The following RAP1A variants were observed in gnomAD, a reference collection of about 807,000 sequenced individuals.
RAP1A encodes the protein RAP1A, member of RAS oncogene family.
In RAP1A, 6 loss-of-function variants were observed where a neutral mutation model predicts 26.4. The ratio of observed to expected loss-of-function variants is 0.23; its 90% confidence interval spans 0.12 to 0.45. The LOEUF (loss-of-function observed/expected upper bound fraction) is 0.45. Among genes scored for constraint, RAP1A ranks in the 20% least tolerant of loss-of-function variants. The pLI, the probability that RAP1A is intolerant of heterozygous loss-of-function variation, is 0.99. For missense variants in RAP1A, 121 were observed against 217.2 expected, an observed-to-expected ratio of 0.56 and a Z score of 2.78; for synonymous variants, 73 against 79.4, an observed-to-expected ratio of 0.92 and a Z score of 0.43.
chr1:111,579,534 T>C (rs1454746604), intron 1 of RAP1A, among the ~76,000 whole-genome samples: 1 of 152,084 alleles, frequency 6.6e-6, no homozygotes, highest in Non-Finnish European at 1.5e-5. Context: ...AGCCAGAGGG[T>C]TTTGAAGAGG....
chr1:111,652,036 C>CAGTCTTTT (rs1660290027), intron 1 of RAP1A, among the ~76,000 whole-genome samples: 1 of 151,722 alleles, frequency 6.6e-6, no homozygotes, highest in Admixed American at 6.6e-5. Context: ...TGTAGTGGTG[C>CAGTCTTTT]AGTCTTGGCT....
At chr1:111,583,690 C>T (rs1009489914) in intron 1 of RAP1A, among the ~76,000 whole-genome samples, 3 of 151,552 alleles carry the variant, frequency 2.0e-5, no homozygotes, top group Non-Finnish European at 4.4e-5. Context: ...AAAAAATAGA[C>T]AAAAAATTAA....
At chr1:111,660,750 C>T (rs56199562) in intron 1 of RAP1A, among the ~76,000 whole-genome samples, 3,703 of 152,296 alleles carry the variant, frequency 0.024, 54 homozygotes, top group Non-Finnish European at 0.037. Context: ...TTACCGTGGC[C>T]TAAAAGCCTG....
Position 111,638,883 on chromosome 1 carries a change from A to T in RAP1A, c.-28+18949A>T, listed in dbSNP as rs2763849. Among the ~76,000 whole-genome samples, 1,019 of 151,444 alleles carry T rather than the reference A, an allele frequency of 6.7e-3. 12 individuals carry two copies. The highest frequency in any genetic ancestry group is 0.023 in the African/African-American group (968 of 41,266). On this transcript the variant is annotated intron_variant, in intron 1 of 7. Transcript: ENST00000369709. ...GGTTTTTATCTTTTTTTTTTTTAAG[A>T]CAAGTATATGTATTTTAAGTAGTCT... is the stretch of plus-strand genomic sequence containing the variant.
At chr1:111,627,911 G>A (rs2101098930) in intron 1 of RAP1A, among the ~76,000 whole-genome samples, 1 of 151,440 alleles carries the variant, frequency 6.6e-6, no homozygotes, top group Admixed American at 6.6e-5. Context: ...GAGGGGGGTA[G>A]TCACATGGTT....
At chr1:111,646,858 C>T (rs559581327) in intron 1 of RAP1A, among the ~76,000 whole-genome samples, 11 of 152,332 alleles carry the variant, frequency 7.2e-5, no homozygotes, top group Admixed American at 3.3e-4. Flanking sequence ...ACCTTCTTAA[C>T]ACAGAACTAG....
intron 1 of RAP1A, among the ~76,000 whole-genome samples, chr1:111,675,896 G>A (rs949286846): frequency 1.3e-5 from 2 of 152,160 alleles, no homozygotes; most frequent in Non-Finnish European, 2.9e-5. Context: ...CCCATCTTAC[G>A]TGGATGGCAG....
chr1:111,685,833 A>G (rs1384826684), intron 1 of RAP1A, among the ~76,000 whole-genome samples: 1 of 152,250 alleles, frequency 6.6e-6, no homozygotes, highest in East Asian at 1.9e-4. Context: ...ACATATGTTT[A>G]TTGCAGCATT....
At chr1:111,669,655 CATCTTAACTA>C (rs1215885050) in intron 1 of RAP1A, among the ~76,000 whole-genome samples, 1 of 152,182 alleles carries the variant, frequency 6.6e-6, no homozygotes, top group East Asian at 1.9e-4. Flanking sequence ...CCAGTGTCTA[CATCTTAACTA>C]ATCCAAGAAG....
chr1:111,596,611 G>C (rs1022104815), intron 1 of RAP1A, among the ~76,000 whole-genome samples: 1 of 152,216 alleles, frequency 6.6e-6, no homozygotes, highest in African/African-American at 2.4e-5. Context: ...AGAGTGGGTA[G>C]CTTATGAACA....
chr1:111,601,694 C>A (rs868385382), intron 1 of RAP1A, among the ~76,000 whole-genome samples: 40 of 152,166 alleles, frequency 2.6e-4, no homozygotes, highest in Admixed American at 1.3e-3. Flanking sequence ...AAGTTCAAAT[C>A]CCAGTTCTGC....
chr1:111,601,300 A>G (rs1227326590), intron 1 of RAP1A, among the ~76,000 whole-genome samples: 1 of 152,098 alleles, frequency 6.6e-6, no homozygotes, highest in East Asian at 1.9e-4. Context: ...GTCCAGGACA[A>G]TGACCATACC....
At chr1:111,582,060 G>A (rs1658267494) in intron 1 of RAP1A, among the ~76,000 whole-genome samples, 1 of 152,164 alleles carries the variant, frequency 6.6e-6, no homozygotes, top group Non-Finnish European at 1.5e-5. Flanking sequence ...TAAAATCTAA[G>A]TTGTTTCCAT....
chr1:111,638,942 C>T (rs1243778131), intron 1 of RAP1A, among the ~76,000 whole-genome samples: 1 of 151,498 alleles, frequency 6.6e-6, no homozygotes, highest in African/African-American at 2.4e-5. Context: ...CTTTTAGGTC[C>T]AGGCAGTAAT....
chr1:111,664,807 G>T (rs1660752479), intron 1 of RAP1A, among the ~76,000 whole-genome samples: 1 of 152,272 alleles, frequency 6.6e-6, no homozygotes, highest in East Asian at 1.9e-4. Flanking sequence ...TGACTTTGGG[G>T]ATATTACTAG....
chr1:111,659,238 A>G (rs543724203), intron 1 of RAP1A, among the ~76,000 whole-genome samples: 1 of 152,260 alleles, frequency 6.6e-6, no homozygotes, highest in South Asian at 2.1e-4. Flanking sequence ...ACATACCTAT[A>G]ATAAAGTTTA....
At chr1:111,639,451 T>C (rs1184353342) in intron 1 of RAP1A, among the ~76,000 whole-genome samples, 3 of 150,984 alleles carry the variant, frequency 2.0e-5, no homozygotes, top group East Asian at 3.9e-4. Flanking sequence ...TTTCTAAAAA[T>C]GCTAATTTTT....
intron 5 of RAP1A, among the ~76,000 whole-genome samples, chr1:111,703,749 A>G (rs778866813): frequency 1.3e-5 from 2 of 152,250 alleles, no homozygotes; most frequent in Non-Finnish European, 2.9e-5. Flanking sequence ...AGAATACTTC[A>G]TAGAAGTGGG....
At chr1:111,706,105 G>T (rs1290081551) in intron 6 of RAP1A, among the ~76,000 whole-genome samples, 5 of 152,058 alleles carry the variant, frequency 3.3e-5, no homozygotes, top group African/African-American at 1.2e-4. Context: ...ATAAACGAGG[G>T]TTTATAAAAA....
Sources: allele counts gnomAD v4.1 joint callset (sites outside exome capture counted in the v4.1 genomes callset), GRCh38; gene constraint gnomAD v4.1.1; transcripts MANE v1.5; gene names NCBI Gene and HGNC (gene_info 2026-07-23, HGNC 2026-07-21).